Variants in TNS4 observed in about 807,000 individuals in gnomAD.
The protein encoded by TNS4 is tensin 4.
A neutral mutation model predicts 70.4 loss-of-function variants in TNS4; 46 were observed. The observed-to-expected ratio is 0.65, with a 90% CI of 0.52 to 0.84. The LOEUF (loss-of-function observed/expected upper bound fraction) is 0.84, where lower values mean the gene tolerates loss of function less well. Among genes scored for constraint, TNS4 ranks in the 40% least tolerant of loss-of-function variants. The pLI is 0.00. For missense variants in TNS4, 863 were observed against 907.0 expected (o/e 0.95, Z 0.62); for synonymous variants, 390 against 366.6 (o/e 1.06, Z -0.73).
rs931916705 is a variant in TNS4, at chr17:40,488,893, G to A, written c.516C>T (p.Val172=). 5 of 1,613,124 alleles carry A rather than the reference G, an allele frequency of 3.1e-6. No homozygotes were observed. In the Admixed American group the frequency reaches 8.3e-5, roughly 27 times the overall value. The change falls in exon 3 of 13, where the codon GTC becomes GTT. Residue 172 remains valine (V), a synonymous_variant. Coordinates refer to ENST00000254051, the MANE Select transcript of TNS4 (RefSeq NM_032865.6). ...TGCGAAGGGAGCCGAAGGGCGGGGT[G>A]ACAGAGGGGCTGGAGCAGTGCTGGG... The part of the protein sequence containing the change: ...DGPQHCSSPS[V]TPPFGSLRSG...
At chr17:40,479,202 C>A (rs764826730) in intron 10 of TNS4, among the ~76,000 whole-genome samples, 1 of 152,168 alleles carries the variant, frequency 6.6e-6, no homozygotes, top group Non-Finnish European at 1.5e-5. Flanking sequence ...GGTTGGAGTG[C>A]AATGGCGTGC....
chr17:40,501,377 G>A (rs1211413715), intron 1 of TNS4, among the ~76,000 whole-genome samples, 157 bp downstream of exon 1: 1 of 148,990 alleles, frequency 6.7e-6, no homozygotes, highest in African/African-American at 2.5e-5. Flanking sequence ...AACCCTGGAG[G>A]CAGACGTTGG....
rs56852128 is a variant in TNS4 at position 40,493,980 on chromosome 17, T to C, written c.439+2007A>G. Among the ~76,000 whole-genome samples the C allele has an allele frequency of 9.7e-3, 1,477 of 152,384 alleles. 30 individuals carry two copies. Among genetic ancestry groups the C allele is most frequent in the African/African-American group, 0.033 (1,363 of 41,588 alleles). On this transcript the variant is annotated intron_variant, in intron 2 of 12. Transcript: ENST00000254051. Reference sequence around the variant, plus strand: ...TTTCCTGCAGTGACATGCCCATGACTGACTGGCCTGAAGAAACAGGAAGAC... The same window carrying C: ...TTTCCTGCAGTGACATGCCCATGACCGACTGGCCTGAAGAAACAGGAAGAC...
intron 9 of TNS4, 193 bp from the exon 10 acceptor site, chr17:40,480,035 T>C: frequency 3.0e-6 from 2 of 671,594 alleles, no homozygotes; most frequent in Non-Finnish European, 4.9e-6. Context: ...TGGGATCTTC[T>C]GTGGCTTTGC....
chr17:40,497,910 C>G (rs562562729), intron 1 of TNS4, among the ~76,000 whole-genome samples: 6 of 152,202 alleles, frequency 3.9e-5, no homozygotes, highest in Non-Finnish European at 8.8e-5. Context: ...GTCTCAACCT[C>G]CTCATTTTCC....
chr17:40,477,549 C>A lies in TNS4; in HGVS notation c.*39G>T, dbSNP rs1366467234. The A allele has an allele frequency of 6.2e-7, 1 of 1,611,042 alleles. No homozygotes were observed. Among genetic ancestry groups the A allele is most frequent in the South Asian group, 1.1e-5 (1 of 90,812 alleles). ...GGTGGAGGGGGGCTCCTTAGCGAGCCCCTGGAGGTGTTGGTTAGGTGCACA... is the reference window on the plus strand; with the variant it reads ...GGTGGAGGGGGGCTCCTTAGCGAGCACCTGGAGGTGTTGGTTAGGTGCACA... On this transcript the variant is annotated 3_prime_UTR_variant, in exon 13 of 13. Coordinates refer to ENST00000254051, the MANE Select transcript of TNS4 (RefSeq NM_032865.6).
chr17:40,480,171 T>C (rs1038289580), intron 9 of TNS4, among the ~76,000 whole-genome samples: 3 of 152,148 alleles, frequency 2.0e-5, no homozygotes, highest in Non-Finnish European at 4.4e-5. Flanking sequence ...CACCTCCATC[T>C]TCAAGGTCTT....
At chr17:40,484,290 T>C (rs1350036044) in intron 6 of TNS4, among the ~76,000 whole-genome samples, 194 bp downstream of exon 6, 1 of 152,114 alleles carries the variant, frequency 6.6e-6, no homozygotes, top group Non-Finnish European at 1.5e-5. Context: ...GCAGGCTTGC[T>C]GTGAAAGGCG....
chr17:40,486,073 G>C (rs2035986211), intron 4 of TNS4, among the ~76,000 whole-genome samples: 1 of 152,260 alleles, frequency 6.6e-6, no homozygotes, highest in African/African-American at 2.4e-5. Flanking sequence ...CCGAGGGAGG[G>C]GGAACAGGGG....
chr17:40,494,380 G>C (rs997538074), intron 2 of TNS4, among the ~76,000 whole-genome samples: 7 of 152,246 alleles, frequency 4.6e-5, no homozygotes, highest in African/African-American at 1.7e-4. Context: ...CCAGCCATTA[G>C]GCTAGACTGG....
chr17:40,488,770 G>A lies in TNS4; in HGVS notation c.639C>T (p.Arg213=), dbSNP rs959094832. Residue 213 remains arginine, a synonymous_variant, in exon 3 of 13, where the codon CGC becomes CGT. Coordinates refer to ENST00000254051, the MANE Select transcript of TNS4 (RefSeq NM_032865.6). ...FSGNQGRGHQ[R]PLPPSEGLSP... is the part of the protein sequence containing the mutation. Reference sequence around the variant, plus strand: ...AGAGACCCTCTGAGGGGGGCAGAGGGCGCTGGTGCCCCCTGCCCTGGTTCC... The same window carrying A: ...AGAGACCCTCTGAGGGGGGCAGAGGACGCTGGTGCCCCCTGCCCTGGTTCC... 21 of 1,610,322 alleles carry A rather than the reference G, an allele frequency of 1.3e-5. No individual in the cohort carries two copies. Among genetic ancestry groups the A allele is most frequent in the East Asian group, 8.9e-5 (4 of 44,830 alleles).
intron 12 of TNS4, chr17:40,478,025 C>A: frequency 1.7e-6 from 1 of 600,346 alleles, no homozygotes. Context: ...GGCAAGGATG[C>A]ATCTTGATCA....
intron 2 of TNS4, among the ~76,000 whole-genome samples, chr17:40,491,891 C>G (rs868300000): frequency 1.4e-4 from 21 of 151,944 alleles, no homozygotes; most frequent in Admixed American, 3.9e-4. Context: ...TCACTTGGGG[C>G]GGGTAAACAG....
chr17:40,490,962 G>A (rs1456648224), intron 2 of TNS4, among the ~76,000 whole-genome samples: 3 of 152,162 alleles, frequency 2.0e-5, no homozygotes, highest in Non-Finnish European at 4.4e-5. Context: ...GACAGTATTG[G>A]CCAAATGGAG....
At chr17:40,501,499 G>A (rs1484365030) in intron 1 of TNS4, 35 bp downstream of exon 1, 4 of 151,280 alleles carry the variant, frequency 2.6e-5, no homozygotes, top group African/African-American at 7.3e-5. Flanking sequence ...AAGGTGCTCC[G>A]TGTTCCTCTC....
chr17:40,483,266 G>A (rs2143792008), intron 6 of TNS4, among the ~76,000 whole-genome samples: 1 of 152,116 alleles, frequency 6.6e-6, no homozygotes, highest in Non-Finnish European at 1.5e-5. Context: ...GAGTGCAGTG[G>A]TGTGATCATG....
rs1436872395 is a variant in TNS4, at chr17:40,476,417, T to C, written c.*1171A>G. 2 of 139,142 alleles carry C rather than the reference T, an allele frequency of 1.4e-5. No homozygotes were observed. Among genetic ancestry groups the C allele is most frequent in the Non-Finnish European group, 2.9e-5 (2 of 68,226 alleles). The allele number at this position is 139,142 out of a possible 1,614,324, so 8.6% of individuals were successfully genotyped here. A position where few individuals can be genotyped will look rare whatever the true frequency, so the allele number is the denominator to read the frequency against. On this transcript the variant is annotated 3_prime_UTR_variant, in exon 13 of 13. Coordinates refer to ENST00000254051, the MANE Select transcript of TNS4 (RefSeq NM_032865.6). ...GTGTGTGTGTGTGTGTGTGTGTGTG[T>C]GTGTGTGTGTGTTGGAGCGTGGGTT...
chr17:40,484,715 C>T, intron 5 of TNS4, 106 bp from the exon 6 acceptor site: 1 of 1,526,826 alleles, frequency 6.5e-7, no homozygotes, highest in Admixed American at 1.9e-5. Flanking sequence ...ACCTTTTGTC[C>T]CCAGGAAGTC....
intron 2 of TNS4, among the ~76,000 whole-genome samples, chr17:40,493,794 G>C (rs190386049): frequency 2.0e-5 from 3 of 152,238 alleles, no homozygotes; most frequent in Non-Finnish European, 4.4e-5. Flanking sequence ...TTCCGTGGAG[G>C]AAGGGCCTAG....
Sources: allele counts gnomAD v4.1 joint callset (sites outside exome capture counted in the v4.1 genomes callset), GRCh38; gene constraint gnomAD v4.1.1; transcripts MANE v1.5; gene names NCBI Gene and HGNC (gene_info 2026-07-23, HGNC 2026-07-21).